SMTN: variants seen among roughly 807,000 people sequenced by gnomAD.
The protein encoded by SMTN is smoothelin.
In SMTN, 58 loss-of-function variants were observed where a neutral mutation model predicts 102.0. The observed-to-expected ratio is 0.57, with a 90% confidence interval of 0.46 to 0.71. The LOEUF is 0.71. Ranked by LOEUF, SMTN falls within the 30% of genes least tolerant of loss-of-function variation. The probability of loss-of-function intolerance (pLI) is 0.00; values close to 1 mark genes in which losing one functional copy is unlikely to be tolerated. For synonymous variants in SMTN, 478 were observed against 497.9 expected, an observed-to-expected ratio of 0.96 and a Z score of 0.53; for missense variants, 1,185 against 1,241.7, an observed-to-expected ratio of 0.95 and a Z score of 0.69.
Position 31,088,957 on chromosome 22 carries a change from G to A in SMTN, c.459G>A (p.Leu153=), listed in dbSNP as rs1422226216. ...EDSKGLAAHR[L]EQCEVPEREE... ...GCAAGGGGCTAGCGGCACACAGGCT[G>A]GAACAGTGTGAGGTAAGGAGGGTGG... The change falls in exon 6 of 21, where the codon CTG becomes CTA. Residue 153 remains leucine, a synonymous_variant. Coordinates refer to ENST00000333137, the MANE Select transcript of SMTN (RefSeq NM_134269.3). The A allele has an allele frequency of 6.2e-7, 1 of 1,613,416 alleles. No homozygotes were observed. Among genetic ancestry groups the A allele is most frequent in the Non-Finnish European group, 8.5e-7 (1 of 1,179,756 alleles).
chr22:31,084,161 C>T (rs1241407412), intron 2 of SMTN, among the ~76,000 whole-genome samples: 1 of 152,192 alleles, frequency 6.6e-6, no homozygotes, highest in African/African-American at 2.4e-5. Flanking sequence ...TGCACAGAGG[C>T]CGTAGGGCAA....
intron 11 of SMTN, chr22:31,093,417 C>G: frequency 4.3e-6 from 2 of 464,198 alleles, no homozygotes; most frequent in Non-Finnish European, 8.3e-6. Context: ...ACTGCCCCAC[C>G]ATTACCCCCC....
upstream of SMTN, among the ~76,000 whole-genome samples, chr22:31,078,044 A>G (rs1162604282): frequency 2.6e-5 from 4 of 152,184 alleles, no homozygotes; most frequent in Non-Finnish European, 4.4e-5. Context: ...TCACAATCCT[A>G]CTTCCGTTCC....
At chr22:31,099,450 C>T (rs1489368193) in intron 18 of SMTN, 2 of 587,022 alleles carry the variant, frequency 3.4e-6, no homozygotes, top group Non-Finnish European at 6.0e-6. Context: ...CTCCTTGTTG[C>T]TCTGTAGGAG....
At chr22:31,103,443 C>T (rs2044250357) in intron 20 of SMTN, 1 of 152,234 alleles carries the variant, frequency 6.6e-6, no homozygotes, top group Non-Finnish European at 1.5e-5. Context: ...TAGGCACAAC[C>T]CACTCACTCC....
chr22:31,073,596 C>G (rs1199267127), intron 1 of SMTN, among the ~76,000 whole-genome samples: 4 of 152,118 alleles, frequency 2.6e-5, no homozygotes, highest in Non-Finnish European at 4.4e-5. Context: ...CTGGGAGAGC[C>G]CCAACCTGTA....
At position 31,091,148 on chromosome 22, in the gene SMTN, C is replaced by T; in HGVS notation, c.1125C>T (p.Ala375=). Residue 375 remains alanine (A), a synonymous_variant, in exon 10 of 21, where the codon GCC becomes GCT. Coordinates refer to ENST00000333137, the MANE Select transcript of SMTN (RefSeq NM_134269.3). ...LGPSLTSTTP[A]SSSSGSSSRG... ...CCTCCCTCACCAGCACCACCCCTGC[C>T]TCCTCCTCCAGCGGCTCCTCCTCTC... 6.2e-7 allele frequency: 1 copy of T among 1,613,886 alleles called. No homozygotes were observed. Among genetic ancestry groups the T allele is most frequent in the African/African-American group, 1.3e-5 (1 of 75,040 alleles).
intron 1 of SMTN, chr22:31,082,871 T>G: frequency 6.5e-7 from 1 of 1,538,532 alleles, no homozygotes; most frequent in South Asian, 1.2e-5. Flanking sequence ...TGCCAGGCCC[T>G]GGCTTCTCAA....
chr22:31,071,166 G>C (rs536945127), intron 1 of SMTN, among the ~76,000 whole-genome samples: 18 of 151,714 alleles, frequency 1.2e-4, no homozygotes, highest in African/African-American at 4.1e-4. Flanking sequence ...CTTGCGCCCA[G>C]GAGTTCAAGG....
At chr22:31,079,510 G>A (rs998730201), upstream of SMTN, among the ~76,000 whole-genome samples, 1 of 152,248 alleles carries the variant, frequency 6.6e-6, no homozygotes, top group African/African-American at 2.4e-5. Context: ...GCTGGTGACC[G>A]CCATTCAGGC....
At chr22:31,098,994 C>A in intron 17 of SMTN, 68 bp from the exon 18 acceptor site, 1 of 1,541,272 alleles carries the variant, frequency 6.5e-7, no homozygotes, top group Non-Finnish European at 8.9e-7. Context: ...GCCTGGGATC[C>A]ACTGGGTGGG....
intron 2 of SMTN, among the ~76,000 whole-genome samples, chr22:31,086,609 G>C (rs1302848091): frequency 6.6e-6 from 1 of 152,174 alleles, no homozygotes; most frequent in Non-Finnish European, 1.5e-5. Flanking sequence ...CCAAGTCACT[G>C]TTCCCAACCC....
rs762836215 is a variant in SMTN, at chr22:31,101,061, C to A, written c.*20+12C>A. The A allele has an allele frequency of 6.3e-7, 1 of 1,583,694 alleles. No homozygotes were observed. The highest frequency in any genetic ancestry group is 2.3e-5 in the East Asian group (1 of 43,374). ...CTCGGGGCCCCACGGTGAGAAACGC[C>A]GCCTCTACCACCTGCCCCGTTTCAC... On this transcript the variant is annotated intron_variant, in intron 20 of 20. Transcript: ENST00000333137.
intron 16 of SMTN, among the ~76,000 whole-genome samples, 161 bp from the exon 17 acceptor site, chr22:31,098,506 T>C (rs373128154): frequency 1.2e-3 from 183 of 152,198 alleles, no homozygotes; most frequent in East Asian, 3.5e-3. Context: ...AGTGTACTCC[T>C]CTAAAATGCG....
At position 31,099,871 on chromosome 22, in the gene SMTN, T is replaced by C. The variant is rs1602676745; in HGVS notation, c.2578T>C (p.Phe860Leu). 8 of 1,614,010 alleles carry C rather than the reference T, an allele frequency of 5.0e-6. No individual in the cohort carries two copies. In the East Asian group the frequency reaches 1.8e-4, roughly 36 times the overall value. The part of the protein sequence containing the change: ...QLSPQNRRQN[F>L]EVAFSSAETH... Reference sequence around the variant, plus strand: ...TAGCCCTCAGAACCGACGCCAGAACTTCGAGGTGGCCTTCTCATCTGCGGA... The same window carrying C: ...TAGCCCTCAGAACCGACGCCAGAACCTCGAGGTGGCCTTCTCATCTGCGGA... Residue 860 changes from phenylalanine to leucine, a missense_variant, in exon 19 of 21, where the codon TTC (phenylalanine) becomes CTC (leucine). Physicochemically the swap from Phe to Leu is conservative, Grantham distance 22 (BLOSUM62 0). Transcript: ENST00000333137.
chr22:31,073,551 T>C (rs1456165773), intron 1 of SMTN, among the ~76,000 whole-genome samples: 2 of 152,152 alleles, frequency 1.3e-5, no homozygotes, highest in Non-Finnish European at 2.9e-5. Flanking sequence ...GGAGGCAGGA[T>C]TCGGGGGCAA....
rs369853664 is a variant in SMTN, at chr22:31,090,855, C to T, written c.913C>T (p.Pro305Ser). The T allele has an allele frequency of 3.7e-6, 6 of 1,613,878 alleles. No individual in the cohort carries two copies. Among genetic ancestry groups the T allele is most frequent in the African/African-American group, 2.7e-5 (2 of 74,866 alleles). Residue 305 changes from proline to serine, a missense_variant, in exon 9 of 21, where the codon CCC (proline) becomes TCC (serine). Pro to Ser is a moderately conservative substitution (Grantham distance 74). Transcript: ENST00000333137. ...PCQRSLSVLSPRQPAQNREST... is the reference protein window; with the variant it reads ...PCQRSLSVLSSRQPAQNREST... ...CCAACGCTCCCTGTCGGTGCTCAGC[C>T]CCCGCCAACCAGCCCAGAACCGAGG...
chr22:31,104,235 A>T, intron 20 of SMTN, 81 bp from the exon 21 acceptor site: 1 of 1,520,450 alleles, frequency 6.6e-7, no homozygotes, highest in Non-Finnish European at 9.0e-7. Context: ...CAATGCGGCA[A>T]TAAAAAAGAC....
intron 2 of SMTN, among the ~76,000 whole-genome samples, chr22:31,086,634 T>C (rs569258098): frequency 6.6e-6 from 1 of 152,114 alleles, no homozygotes; most frequent in Non-Finnish European, 1.5e-5. Context: ...CACTGGCAAA[T>C]GAAAAAACCA....
Sources: gnomAD v4.1 joint callset for allele counts (sites outside exome capture counted in the v4.1 genomes callset) on GRCh38, gnomAD v4.1.1 for gene constraint, MANE v1.5 for transcripts, NCBI Gene and HGNC (gene_info 2026-07-23, HGNC 2026-07-21) for gene names.